Variants in LCP2 observed in about 807,000 individuals in gnomAD.
LCP2 encodes lymphocyte cytosolic protein 2.
A neutral mutation model predicts 74.5 loss-of-function variants in LCP2; 29 were observed. The observed-to-expected ratio is 0.39, with a 90% CI of 0.29 to 0.53. LCP2 has a LOEUF of 0.53. LCP2 is among the 20% of genes least tolerant of loss of function. LCP2 has a pLI of 0.72. For synonymous variants in LCP2, 228 were observed against 229.5 expected (o/e 0.99, Z 0.06); for missense variants, 604 against 634.6 (o/e 0.95, Z 0.52).
intron 3 of LCP2, among the ~76,000 whole-genome samples, chr5:170,277,897 T>G (rs1762033765): frequency 6.6e-6 from 1 of 152,006 alleles, no homozygotes; most frequent in Non-Finnish European, 1.5e-5. Context: ...ATAATATTGT[T>G]GACAACTCCA....
At chr5:170,269,318 G>A (rs75079070) in intron 7 of LCP2, among the ~76,000 whole-genome samples, 5,291 of 152,294 alleles carry the variant, frequency 0.035, 296 homozygotes, top group African/African-American at 0.12. Context: ...AGCAAGAGGG[G>A]TGAGTGGGTA....
At chr5:170,291,955 A>G (rs1336078677) in intron 2 of LCP2, among the ~76,000 whole-genome samples, 1 of 152,244 alleles carries the variant, frequency 6.6e-6, no homozygotes. Context: ...AAAAAGTCAA[A>G]TGGTATCAGA....
chr5:170,290,965 AAAG>A (rs569692557), intron 2 of LCP2, among the ~76,000 whole-genome samples: 20,821 of 64,074 alleles, frequency 0.32, 1,709 homozygotes, highest in African/African-American at 0.39. Context: ...AGAAAGAAAG[AAAG>A]AAAGAAAGAA....
Position 170,266,854 on chromosome 5 carries a change from G to T in LCP2, c.726C>A (p.Pro242=). The change falls in exon 10 of 21, where the codon CCC becomes CCA. Residue 242 remains proline, a synonymous_variant. Transcript: ENST00000046794. ...APSIDRSTKP[P]LDRSLAPFDR... is the part of the protein sequence containing the mutation. ...CAAACGGAGCTAATGAACGATCTAG[G>T]GGAGGTTTCGTGCTTCTGTCTATTG... 1 of 1,613,936 alleles carries T rather than the reference G, an allele frequency of 6.2e-7. No homozygotes were observed.
intron 14 of LCP2, 59 bp downstream of exon 14, chr5:170,261,047 TA>T: frequency 7.5e-7 from 1 of 1,329,330 alleles, no homozygotes; most frequent in Non-Finnish European, 1.1e-6. Context: ...CCCAACCTCC[TA>T]AGAGCCTATG....
intron 6 of LCP2, among the ~76,000 whole-genome samples, chr5:170,272,384 T>C (rs553261742): frequency 8.5e-5 from 13 of 152,258 alleles, no homozygotes; most frequent in Non-Finnish European, 1.6e-4. Flanking sequence ...ACAAAACCAG[T>C]TGGGCCTCAT....
intron 5 of LCP2, among the ~76,000 whole-genome samples, chr5:170,274,772 C>T (rs773883307): frequency 6.6e-6 from 1 of 151,978 alleles, no homozygotes; most frequent in Non-Finnish European, 1.5e-5. Flanking sequence ...GTCAGGAGAT[C>T]GAGACCATCC....
In LCP2 at chr5:170,262,825, A is replaced by G. The variant is rs758910689; in HGVS notation, c.818+17T>C. 1.9e-5 allele frequency: 30 copies of G among 1,613,940 alleles called. No individual in the cohort carries two copies. Among genetic ancestry groups the G allele is most frequent in the Non-Finnish European group, 2.5e-5 (29 of 1,179,894 alleles). On this transcript the variant is annotated intron_variant, in intron 12 of 20. Transcript: ENST00000046794. ...CAGAACGTCCCATGTACCCTCATGT[A>G]GATGCAACAGTCTTACCTTCCCGCT... is the stretch of plus-strand genomic sequence containing the variant.
At chr5:170,259,065 TACAA>T (rs1188144514) in intron 14 of LCP2, among the ~76,000 whole-genome samples, 187 bp from the exon 15 acceptor site, 1 of 152,206 alleles carries the variant, frequency 6.6e-6, no homozygotes, top group East Asian at 1.9e-4. Flanking sequence ...AATTTCTTAA[TACAA>T]ACAGTCATCT....
At chr5:170,274,830 A>G (rs983989783) in intron 5 of LCP2, among the ~76,000 whole-genome samples, 2 of 152,102 alleles carry the variant, frequency 1.3e-5, no homozygotes, top group African/African-American at 2.4e-5. Flanking sequence ...CAAAAAAAGT[A>G]GCTGGGCATG....
intron 18 of LCP2, 42 bp from the exon 19 acceptor site, chr5:170,252,553 T>G (rs1561966024): frequency 4.9e-6 from 5 of 1,015,966 alleles, no homozygotes; most frequent in Non-Finnish European, 7.5e-6. Flanking sequence ...ATTTTACAGT[T>G]ACAGATGTAA....
At chr5:170,283,014 G>A (rs1054115147) in intron 3 of LCP2, among the ~76,000 whole-genome samples, 6 of 152,246 alleles carry the variant, frequency 3.9e-5, no homozygotes, top group Non-Finnish European at 5.9e-5. Flanking sequence ...CTCATTGGAA[G>A]TAGAGCTGGA....
intron 3 of LCP2, among the ~76,000 whole-genome samples, chr5:170,286,824 G>C (rs74882741): frequency 0.033 from 4,983 of 152,142 alleles, 106 homozygotes; most frequent in Middle Eastern, 0.068. Flanking sequence ...TACTCCTTTG[G>C]CCTACTTCCC....
chr5:170,259,517 T>A (rs1248128747), intron 14 of LCP2, among the ~76,000 whole-genome samples: 1 of 152,086 alleles, frequency 6.6e-6, no homozygotes, highest in African/African-American at 2.4e-5. Flanking sequence ...AGATAAGAAA[T>A]GAGGTTCAAA....
chr5:170,275,622 T>TGCAGA (rs1761993300), intron 4 of LCP2, 173 bp downstream of exon 4: 5 of 662,450 alleles, frequency 7.5e-6, no homozygotes, highest in Non-Finnish European at 1.3e-5. Flanking sequence ...AGGGACAGGA[T>TGCAGA]GCAGAGCAGG....
intron 17 of LCP2, among the ~76,000 whole-genome samples, chr5:170,255,473 A>G (rs1429113523): frequency 6.6e-6 from 1 of 152,236 alleles, no homozygotes; most frequent in South Asian, 2.1e-4. Flanking sequence ...TCTTCACAGC[A>G]TTTTTTAAAA....
intron 15 of LCP2, chr5:170,258,458 G>C (rs191404227): frequency 8.3e-6 from 3 of 361,004 alleles, no homozygotes; most frequent in East Asian, 8.7e-5. Context: ...AAAATTGTCA[G>C]CTGGAAACCT....
At chr5:170,250,659 T>C (rs1761415946) in intron 20 of LCP2, 71 bp downstream of exon 20, 2 of 1,193,320 alleles carry the variant, frequency 1.7e-6, no homozygotes, top group East Asian at 4.7e-5. Context: ...CTCTCAAAGA[T>C]CGCTCCATGA....
At chr5:170,277,827 C>T (rs927103207) in intron 3 of LCP2, among the ~76,000 whole-genome samples, 6 of 150,098 alleles carry the variant, frequency 4.0e-5, no homozygotes, top group African/African-American at 1.5e-4. Context: ...TTTTGATAAA[C>T]ACACTGGTAC....
Sources: gnomAD v4.1 joint callset for allele counts (sites outside exome capture counted in the v4.1 genomes callset) on GRCh38, gnomAD v4.1.1 for gene constraint, MANE v1.5 for transcripts, NCBI Gene and HGNC (gene_info 2026-07-23, HGNC 2026-07-21) for gene names.